RBFOX1: variants seen among roughly 807,000 people sequenced by gnomAD.
RBFOX1 encodes RNA binding fox-1 homolog 1.
RBFOX1 carries 8 observed loss-of-function variants against 57.7 expected under a neutral mutation model. The ratio of observed to expected loss-of-function variants is 0.14; its 90% CI spans 0.08 to 0.25. The LOEUF (loss-of-function observed/expected upper bound fraction) is 0.25. Among genes scored for constraint, RBFOX1 ranks in the 10% least tolerant of loss-of-function variants. RBFOX1 has a pLI of 1.00. For missense variants in RBFOX1, 611 were observed against 548.5 expected (o/e 1.11, Z -1.14); for synonymous variants, 326 against 222.4 (o/e 1.47, Z -4.15).
At chr16:5,677,412 T>C (rs1238116142) in intron 3 of RBFOX1, among the ~76,000 whole-genome samples, 1 of 152,194 alleles carries the variant, frequency 6.6e-6, no homozygotes, top group African/African-American at 2.4e-5. Flanking sequence ...GAATGCACTT[T>C]CTATGGGTCC....
chr16:7,227,583 G>C (rs1427013374), intron 4 of RBFOX1, among the ~76,000 whole-genome samples: 1 of 152,188 alleles, frequency 6.6e-6, no homozygotes, highest in Non-Finnish European at 1.5e-5. Flanking sequence ...TGACTGAAAT[G>C]CAAAGCCCGG....
rs1163171016 is a variant in RBFOX1, at chr16:7,554,886, A to G, written c.271-24891A>G. On this transcript the variant is annotated intron_variant, in intron 5 of 15. Transcript: ENST00000550418. ...AGTTGAAAATACTTAGCTATTAGGG[A>G]GAACGGAGTAACATAAATCCAAGGT... Among the ~76,000 whole-genome samples, 3 of 152,228 alleles carry G rather than the reference A, an allele frequency of 2.0e-5. No homozygotes were observed. The East Asian group carries it at 5.8e-4, about 29-fold the overall frequency.
chr16:7,149,780 C>G (rs144983733), intron 4 of RBFOX1, among the ~76,000 whole-genome samples: 5 of 152,206 alleles, frequency 3.3e-5, no homozygotes, highest in Admixed American at 2.6e-4. Context: ...GCCCCAGTGA[C>G]TTTTCCATTA....
At chr16:5,479,394 C>G (rs899131425) in intron 2 of RBFOX1, among the ~76,000 whole-genome samples, 13 of 152,238 alleles carry the variant, frequency 8.5e-5, no homozygotes, top group Non-Finnish European at 1.6e-4. Flanking sequence ...TGAACCCTCT[C>G]TGATTCCAAA....
chr16:7,409,334 C>T (rs555153771), intron 4 of RBFOX1, among the ~76,000 whole-genome samples: 1 of 152,282 alleles, frequency 6.6e-6, no homozygotes, highest in East Asian at 1.9e-4. Flanking sequence ...CAGAAAGAGC[C>T]CTGTGAATTG....
intron 3 of RBFOX1, among the ~76,000 whole-genome samples, chr16:5,619,544 G>T (rs749626211): frequency 6.6e-6 from 1 of 152,264 alleles, no homozygotes; most frequent in South Asian, 2.1e-4. Flanking sequence ...AGAGAAATTG[G>T]ATTGAAAATC....
chr16:5,772,356 C>T (rs956974352), intron 3 of RBFOX1, among the ~76,000 whole-genome samples: 1 of 114,116 alleles, frequency 8.8e-6, no homozygotes, highest in East Asian at 2.2e-4. Flanking sequence ...GTGCTTTTCA[C>T]ACACCCAAAT....
intron 1 of RBFOX1, among the ~76,000 whole-genome samples, chr16:6,219,963 A>G (rs547668591): frequency 1.6e-4 from 24 of 152,356 alleles, no homozygotes; most frequent in South Asian, 6.2e-4. Context: ...CAAATGTAAC[A>G]TAAGTATTCA....
Position 7,349,900 on chromosome 16 carries a change from A to G in RBFOX1, c.28-168247A>G, listed in dbSNP as rs922883331. ...GGTGGCTCATGCTTGTAATCCCAAC[A>G]CTTTGGGAGGCCGAGGTGGGTGGAT... is the stretch of plus-strand genomic sequence containing the variant. On this transcript the variant is annotated intron_variant, in intron 4 of 15. Transcript: ENST00000550418. Among the ~76,000 whole-genome samples, 2 of 152,154 alleles carry G rather than the reference A, an allele frequency of 1.3e-5. 1 individual carries two copies. The highest frequency in any genetic ancestry group is 3.9e-4 in the East Asian group (2 of 5,184).
chr16:6,971,537 G>T (rs2085546515), intron 3 of RBFOX1, among the ~76,000 whole-genome samples: 1 of 151,878 alleles, frequency 6.6e-6, no homozygotes. Context: ...TACCACTGGA[G>T]AATTTTGAGC....
chr16:6,979,106 T>C (rs12597439), intron 3 of RBFOX1, among the ~76,000 whole-genome samples: 48,100 of 152,150 alleles, frequency 0.32, 7,888 homozygotes, highest in East Asian at 0.63. Context: ...ATGATGATTA[T>C]GGGCTCAGAT....
chr16:7,315,336 G>C (rs2096411440), intron 4 of RBFOX1, among the ~76,000 whole-genome samples: 1 of 151,680 alleles, frequency 6.6e-6, no homozygotes, highest in Non-Finnish European at 1.5e-5. Flanking sequence ...ATGCTCTTGA[G>C]TTAAAAAAGA....
chr16:6,182,730 A>G lies in RBFOX1; in HGVS notation c.-126-134265A>G, dbSNP rs1176490653. On this transcript the variant is annotated intron_variant, in intron 1 of 15. Transcript: ENST00000550418. The stretch of plus-strand genomic sequence containing the variant: ...TCTGACCACCTGTGGACATTTAGGA[A>G]CGCTGTAGTTAAATAGGGTACCTCT... Among the ~76,000 whole-genome samples the G allele has an allele frequency of 2.6e-5, 4 of 152,156 alleles. No homozygotes were observed. The East Asian group carries it at 7.7e-4, about 29-fold the overall frequency.
intron 3 of RBFOX1, among the ~76,000 whole-genome samples, chr16:6,819,721 AAAAAAAAAAAT>A (rs1234244655): frequency 1.4e-5 from 2 of 144,594 alleles, no homozygotes; most frequent in African/African-American, 5.2e-5. Flanking sequence ...AAAAAAAAAA[AAAAAAAAAAAT>A]AACAACACCA....
At chr16:7,072,849 A>G (rs1567157772) in intron 4 of RBFOX1, among the ~76,000 whole-genome samples, 1 of 152,174 alleles carries the variant, frequency 6.6e-6, no homozygotes, top group East Asian at 1.9e-4. Flanking sequence ...TCTTGAACAT[A>G]AGTGCTCTGA....
chr16:5,839,348 A>G lies in RBFOX1; in HGVS notation c.319-27955A>G, dbSNP rs931252046. Among the ~76,000 whole-genome samples, 3 of 152,128 alleles carry G rather than the reference A, an allele frequency of 2.0e-5. 1 individual carries two copies. In the South Asian group the frequency reaches 6.2e-4, roughly 32 times the overall value. Reference sequence around the variant, plus strand: ...TAACTGGGAGGGAACTGATAGTTTCATTTGGGACCCACTTTTTGCCAAAAG... The same window carrying G: ...TAACTGGGAGGGAACTGATAGTTTCGTTTGGGACCCACTTTTTGCCAAAAG... On this transcript the variant is annotated intron_variant, in intron 3 of 19. Coordinates refer to the RBFOX1 transcript ENST00000641259.
intron 1 of RBFOX1, among the ~76,000 whole-genome samples, chr16:5,398,826 T>G (rs1180648453): frequency 1.3e-5 from 2 of 152,096 alleles, no homozygotes; most frequent in Non-Finnish European, 2.9e-5. Flanking sequence ...TCAGAGGAAT[T>G]GAATTTGAGT....
chr16:7,247,720 T>A (rs1292634311), intron 4 of RBFOX1, among the ~76,000 whole-genome samples: 1 of 152,246 alleles, frequency 6.6e-6, no homozygotes, highest in African/African-American at 2.4e-5. Flanking sequence ...ATAGCCTCTT[T>A]AAATCCAGGT....
At chr16:7,084,920 A>G (rs1331953444) in intron 4 of RBFOX1, among the ~76,000 whole-genome samples, 1 of 151,938 alleles carries the variant, frequency 6.6e-6, no homozygotes, top group African/African-American at 2.4e-5. Flanking sequence ...TCAGCCATCC[A>G]TCCATTTGTC....
Sources: gnomAD v4.1 joint callset for allele counts (sites outside exome capture counted in the v4.1 genomes callset) on GRCh38, gnomAD v4.1.1 for gene constraint, MANE v1.5 for transcripts, NCBI Gene and HGNC (gene_info 2026-07-23, HGNC 2026-07-21) for gene names.